Variants in IL1RAPL2 observed in about 807,000 individuals in gnomAD.
IL1RAPL2 encodes the protein interleukin 1 receptor accessory protein like 2.
A neutral mutation model predicts 44.1 loss-of-function variants in IL1RAPL2; 3 were observed. The ratio of observed to expected loss-of-function variants is 0.07; its 90% CI spans 0.03 to 0.18. The LOEUF (loss-of-function observed/expected upper bound fraction) is 0.18, where lower values mean the gene tolerates loss of function less well. Among genes scored for constraint, IL1RAPL2 ranks in the 10% least tolerant of loss-of-function variants. The probability of loss-of-function intolerance (pLI) is 1.00; values close to 1 mark genes in which losing one functional copy is unlikely to be tolerated. For synonymous variants in IL1RAPL2, 181 were observed against 178.8 expected (o/e 1.01, Z -0.10); for missense variants, 391 against 496.4 (o/e 0.79, Z 2.02).
At chrX:105,369,243 T>C (rs2035319008) in intron 5 of IL1RAPL2, among the ~76,000 whole-genome samples, 1 of 111,029 alleles carries the variant, frequency 9.0e-6, no homozygotes. Context: ...TCTGATACTT[T>C]CTGTGAATTA....
chrX:105,337,315 C>G (rs1468830862), intron 5 of IL1RAPL2, among the ~76,000 whole-genome samples: 2 of 112,011 alleles, frequency 1.8e-5, no homozygotes, highest in Non-Finnish European at 3.8e-5. Context: ...AAAAGTGGAG[C>G]AGACAATTAG....
intron 6 of IL1RAPL2, among the ~76,000 whole-genome samples, chrX:105,583,106 G>A (rs771862548): frequency 5.6e-5 from 6 of 107,155 alleles, no homozygotes; most frequent in Non-Finnish European, 1.2e-4. Flanking sequence ...GTTTCTTTGT[G>A]GGAAGGTTTT....
At chrX:105,735,082 T>A (rs1300794863) in intron 7 of IL1RAPL2, among the ~76,000 whole-genome samples, 1 of 111,700 alleles carries the variant, frequency 9.0e-6, no homozygotes, top group Admixed American at 9.5e-5. Flanking sequence ...TTGATAATTT[T>A]CAGTTTGTTC....
intron 2 of IL1RAPL2, among the ~76,000 whole-genome samples, chrX:104,679,898 A>G (rs1474235910): frequency 8.9e-6 from 1 of 111,982 alleles, no homozygotes; most frequent in Non-Finnish European, 1.9e-5. Flanking sequence ...AGGAAGCTCA[A>G]CCTTTACATT....
chrX:105,215,684 C>T (rs1164371824), intron 3 of IL1RAPL2, among the ~76,000 whole-genome samples: 11 of 111,195 alleles, frequency 9.9e-5, no homozygotes, highest in African/African-American at 3.3e-4. Flanking sequence ...CCAATATCCC[C>T]GAAGAACATC....
rs146940403 is a variant in IL1RAPL2 at position 105,496,421 on chromosome X, T to C, written c.772+12034T>C. 2.7e-4 allele frequency among the ~76,000 whole-genome samples: 30 copies of C among 112,161 alleles called. No individual in the cohort carries two copies. The East Asian group carries it at 6.8e-3, about 25-fold the overall frequency. Reference sequence around the variant, plus strand: ...CTCTCTTAGCTCAATTATGGGAAAATGAAAGTTCTTGAGAAAGAAAGAGAA... The same window carrying C: ...CTCTCTTAGCTCAATTATGGGAAAACGAAAGTTCTTGAGAAAGAAAGAGAA... On this transcript the variant is annotated intron_variant, in intron 6 of 10. Coordinates refer to ENST00000372582, the MANE Select transcript of IL1RAPL2 (RefSeq NM_017416.2).
chrX:104,709,892 T>A (rs1931427123), intron 2 of IL1RAPL2, among the ~76,000 whole-genome samples: 2 of 110,520 alleles, frequency 1.8e-5, no homozygotes, highest in African/African-American at 6.6e-5. Context: ...TGTAAAAAGA[T>A]GCTCAACATC....
chrX:104,612,607 A>G (rs1038557270), intron 1 of IL1RAPL2, among the ~76,000 whole-genome samples: 209 of 111,839 alleles, frequency 1.9e-3, no homozygotes, highest in Non-Finnish European at 1.4e-3. Flanking sequence ...AAGCCAGGTC[A>G]TGTGATGCCT....
At chrX:105,681,508 A>G (rs970715256) in intron 6 of IL1RAPL2, among the ~76,000 whole-genome samples, 1 of 112,533 alleles carries the variant, frequency 8.9e-6, no homozygotes, top group Admixed American at 9.4e-5. Context: ...CTATAATCCT[A>G]GCACTTTGGG....
intron 2 of IL1RAPL2, among the ~76,000 whole-genome samples, chrX:104,961,092 A>G (rs2029997316): frequency 9.0e-6 from 1 of 111,671 alleles, no homozygotes; most frequent in Admixed American, 9.6e-5. Context: ...TAATTGGATG[A>G]CAGACAGAAG....
intron 10 of IL1RAPL2, among the ~76,000 whole-genome samples, chrX:105,762,257 A>G (rs1441058682): frequency 3.6e-5 from 4 of 111,812 alleles, no homozygotes; most frequent in Non-Finnish European, 5.6e-5. Context: ...CCCTTGAAAG[A>G]TATTTTAAAA....
Position 105,307,822 on chromosome X carries a change from G to C in IL1RAPL2, c.697+40281G>C, listed in dbSNP as rs920357005. 2.7e-4 allele frequency among the ~76,000 whole-genome samples: 28 copies of C among 102,661 alleles called. No individual in the cohort carries two copies. In the East Asian group the frequency reaches 7.6e-3, roughly 28 times the overall value. The allele number at this position is 102,661 out of a possible 115,157, so 89.1% of individuals were successfully genotyped here. A position where few individuals can be genotyped will look rare whatever the true frequency, so the allele number is the denominator to read the frequency against. ...AAATTATCTCAGAATTGGCCAGGAC[G>C]AATGCTGTCAAACTGGCTCCTGTGC... On this transcript the variant is annotated intron_variant, in intron 5 of 10. Coordinates refer to ENST00000372582, the MANE Select transcript of IL1RAPL2 (RefSeq NM_017416.2).
intron 2 of IL1RAPL2, among the ~76,000 whole-genome samples, chrX:104,829,697 C>T (rs1030917636): frequency 5.3e-5 from 6 of 112,419 alleles, no homozygotes; most frequent in East Asian, 2.8e-4. Flanking sequence ...CACGACGCGA[C>T]GTTTTAATGT....
chrX:104,606,421 G>A (rs771911325), intron 1 of IL1RAPL2, among the ~76,000 whole-genome samples: 20 of 111,893 alleles, frequency 1.8e-4, no homozygotes, highest in Admixed American at 8.6e-4. Flanking sequence ...AGACAAGGAT[G>A]CCCTCTCTCA....
chrX:104,984,917 GA>G (rs2030531726), intron 2 of IL1RAPL2, among the ~76,000 whole-genome samples: 1 of 111,282 alleles, frequency 9.0e-6, no homozygotes, highest in African/African-American at 3.3e-5. Context: ...TGGTATTTAA[GA>G]GAACATGGAT....
intron 5 of IL1RAPL2, among the ~76,000 whole-genome samples, chrX:105,433,748 G>A (rs2035863512): frequency 9.0e-6 from 1 of 111,112 alleles, no homozygotes; most frequent in South Asian, 3.8e-4. Context: ...AGAATTCCAA[G>A]CAATTTGACT....
chrX:104,612,943 G>A (rs1313955065), intron 1 of IL1RAPL2, among the ~76,000 whole-genome samples: 1 of 111,325 alleles, frequency 9.0e-6, no homozygotes, highest in Non-Finnish European at 1.9e-5. Flanking sequence ...TACTGTAAAT[G>A]AGATTACCTT....
intron 2 of IL1RAPL2, among the ~76,000 whole-genome samples, chrX:104,736,898 G>C (rs1364638097): frequency 8.9e-6 from 1 of 112,201 alleles, no homozygotes; most frequent in Non-Finnish European, 1.9e-5. Context: ...ATCATTGATG[G>C]AGGTGAGGAT....
At chrX:104,794,796 A>G (rs1932841503) in intron 2 of IL1RAPL2, among the ~76,000 whole-genome samples, 2 of 112,066 alleles carry the variant, frequency 1.8e-5, no homozygotes, top group African/African-American at 3.2e-5. Context: ...CCCAGTAGTA[A>G]CAGTTAATGC....
Sources: gnomAD v4.1 joint callset for allele counts (sites outside exome capture counted in the v4.1 genomes callset) on GRCh38, gnomAD v4.1.1 for gene constraint, MANE v1.5 for transcripts, NCBI Gene and HGNC (gene_info 2026-07-23, HGNC 2026-07-21) for gene names.